Variants in KLHL32 observed in about 807,000 individuals in gnomAD.
The protein encoded by KLHL32 is kelch-like protein 32.
KLHL32 carries 35 observed loss-of-function variants against 64.8 expected under a neutral mutation model. That is an observed-to-expected ratio of 0.54 (90% CI 0.41 to 0.72). The LOEUF is 0.72. Among genes scored for constraint, KLHL32 ranks in the 30% least tolerant of loss-of-function variants. KLHL32 has a pLI of 0.00. For missense variants in KLHL32, 589 were observed against 768.5 expected, an observed-to-expected ratio of 0.77 and a Z score of 2.76; for synonymous variants, 259 against 281.0, an observed-to-expected ratio of 0.92 and a Z score of 0.78.
chr6:97,055,796 T>TTAAAAAAAAAAAAA (rs1787717117), intron 4 of KLHL32, among the ~76,000 whole-genome samples: 1 of 81,032 alleles, frequency 1.2e-5, no homozygotes, highest in South Asian at 4.9e-4. Flanking sequence ...AGAACCTGTC[T>TTAAAAAAAAAAAAA]AAAAAAAAAA....
At chr6:96,937,681 G>C (rs984906556) in intron 1 of KLHL32, among the ~76,000 whole-genome samples, 2 of 152,072 alleles carry the variant, frequency 1.3e-5, no homozygotes, top group African/African-American at 4.8e-5. Context: ...AGTCATCAGG[G>C]GCTCTCAGCC....
intron 4 of KLHL32, among the ~76,000 whole-genome samples, chr6:97,043,069 A>G (rs1785373347): frequency 1.3e-5 from 2 of 152,222 alleles, no homozygotes. Flanking sequence ...CTCCTCTGCC[A>G]TGAGTGGAAA....
chr6:97,071,149 T>G (rs1424789690), intron 5 of KLHL32, among the ~76,000 whole-genome samples: 1 of 152,136 alleles, frequency 6.6e-6, no homozygotes, highest in Non-Finnish European at 1.5e-5. Context: ...ACTACCCAAC[T>G]GTACCCAGTG....
chr6:97,071,682 C>T (rs953566362), intron 5 of KLHL32, among the ~76,000 whole-genome samples: 5 of 152,196 alleles, frequency 3.3e-5, no homozygotes, highest in Non-Finnish European at 7.3e-5. Context: ...TCACTCAAAC[C>T]TTGGCATAAT....
intron 3 of KLHL32, among the ~76,000 whole-genome samples, chr6:96,988,649 G>A (rs1197301554): frequency 2.0e-5 from 3 of 152,192 alleles, no homozygotes; most frequent in Admixed American, 6.5e-5. Flanking sequence ...AAAGATACAT[G>A]CACACGTATG....
chr6:96,999,609 T>C (rs1017757478), intron 3 of KLHL32: 1 of 664,240 alleles, frequency 1.5e-6, no homozygotes, highest in Non-Finnish European at 1.9e-6. Context: ...ATGACAACTT[T>C]ATTTTTCTCT....
intron 3 of KLHL32, among the ~76,000 whole-genome samples, chr6:97,030,513 T>C (rs1011174674): frequency 1.3e-5 from 2 of 152,220 alleles, no homozygotes; most frequent in Admixed American, 1.3e-4. Flanking sequence ...GGCAGCACAT[T>C]ATCAGCCACA....
chr6:96,930,826 A>G (rs1438923609), intron 1 of KLHL32, among the ~76,000 whole-genome samples: 1 of 152,062 alleles, frequency 6.6e-6, no homozygotes, highest in Admixed American at 6.6e-5. Flanking sequence ...GCCTGGTCAC[A>G]AGGAAAAGGA....
At chr6:96,930,390 G>T (rs1769713803) in intron 1 of KLHL32, among the ~76,000 whole-genome samples, 1 of 152,154 alleles carries the variant, frequency 6.6e-6, no homozygotes, top group South Asian at 2.1e-4. Context: ...GTGACTCACA[G>T]TCCAGTTACA....
At chr6:97,071,922 T>G (rs1790797839) in intron 5 of KLHL32, among the ~76,000 whole-genome samples, 1 of 152,212 alleles carries the variant, frequency 6.6e-6, no homozygotes, top group African/African-American at 2.4e-5. Flanking sequence ...ACAAAACAAT[T>G]TCTTTCCCTA....
intron 3 of KLHL32, among the ~76,000 whole-genome samples, chr6:96,991,942 C>G (rs1777923005): frequency 6.6e-6 from 1 of 152,174 alleles, no homozygotes; most frequent in Non-Finnish European, 1.5e-5. Context: ...AGTCCCTAAT[C>G]ACTGTGCTCC....
chr6:96,942,690 T>TGTGTGTGTGTGTGTGTGA (rs564012829), intron 1 of KLHL32, among the ~76,000 whole-genome samples: 1 of 146,080 alleles, frequency 6.8e-6, no homozygotes, highest in African/African-American at 2.5e-5. Flanking sequence ...TGTGTGTGTG[T>TGTGTGTGTGTGTGTGTGA]GATTCAGAAT....
At chr6:97,123,337 A>G (rs1798558332) in intron 7 of KLHL32, among the ~76,000 whole-genome samples, 1 of 152,170 alleles carries the variant, frequency 6.6e-6, no homozygotes, top group Non-Finnish European at 1.5e-5. Context: ...GCACTCATCC[A>G]TTTGTCACAA....
intron 8 of KLHL32, among the ~76,000 whole-genome samples, chr6:97,129,128 G>A (rs1416811980): frequency 1.3e-5 from 2 of 152,320 alleles, no homozygotes; most frequent in Non-Finnish European, 2.9e-5. Context: ...TTTTCAAGCT[G>A]TACAAATCAC....
chr6:97,042,537 T>C (rs542219812), intron 4 of KLHL32, among the ~76,000 whole-genome samples: 1 of 152,364 alleles, frequency 6.6e-6, no homozygotes, highest in East Asian at 1.9e-4. Context: ...ACTTATGTGA[T>C]GTAAATGTGA....
intron 3 of KLHL32, among the ~76,000 whole-genome samples, chr6:97,001,490 G>C (rs1779029285): frequency 6.6e-6 from 1 of 152,000 alleles, no homozygotes; most frequent in Admixed American, 6.6e-5. Flanking sequence ...TTGTTTGTTT[G>C]AGACAGGGTC....
chr6:97,134,108 T>G (rs1799730834), intron 10 of KLHL32, among the ~76,000 whole-genome samples: 1 of 151,968 alleles, frequency 6.6e-6, no homozygotes, highest in East Asian at 1.9e-4. Context: ...CCCAGAACTG[T>G]GATAATAAAA....
intron 3 of KLHL32, among the ~76,000 whole-genome samples, chr6:96,982,081 T>C (rs1053731616): frequency 1.3e-5 from 2 of 152,260 alleles, no homozygotes; most frequent in Non-Finnish European, 2.9e-5. Flanking sequence ...CAGTCAAGTG[T>C]TGAGTTCAGG....
chr6:97,057,172 CTTTTTTTTTTTTT>C (rs199552121), intron 4 of KLHL32, among the ~76,000 whole-genome samples: 1 of 65,012 alleles, frequency 1.5e-5, no homozygotes, highest in Non-Finnish European at 2.7e-5. Context: ...ATGTGAGTAT[CTTTTTTTTTTTTT>C]TTTTTTTTTT....
Sources: allele counts gnomAD v4.1 joint callset (sites outside exome capture counted in the v4.1 genomes callset), GRCh38; gene constraint gnomAD v4.1.1; transcripts MANE v1.5; gene names NCBI Gene and HGNC (gene_info 2026-07-23, HGNC 2026-07-21).